Variants in PPP1R12A observed in about 807,000 individuals in gnomAD.
The protein encoded by PPP1R12A is protein phosphatase 1 regulatory subunit 12A.
Under a neutral mutation model 139.6 loss-of-function variants are expected in PPP1R12A, and 19 were observed. That is an observed-to-expected ratio of 0.14 (90% CI 0.09 to 0.20). PPP1R12A has a LOEUF of 0.20. Ranked by LOEUF, PPP1R12A falls within the 10% of genes least tolerant of loss-of-function variation. The pLI is 1.00. For synonymous variants in PPP1R12A, 427 were observed against 420.6 expected (o/e 1.02, Z -0.19); for missense variants, 925 against 1,211.5 (o/e 0.76, Z 3.51).
rs952988567 is a variant in PPP1R12A, at chr12:79,851,840, T to C, written c.369-6420A>G. On this transcript the variant is annotated intron_variant, in intron 2 of 24. Coordinates refer to ENST00000450142, the MANE Select transcript of PPP1R12A (RefSeq NM_002480.3). ...GCCTATTTTCTCTCTGCTGTTCAGA[T>C]TTGGCAATTTGTATTGTTCTATCAG... 2.6e-5 allele frequency among the ~76,000 whole-genome samples: 4 copies of C among 152,218 alleles called. No homozygotes were observed. The East Asian group carries it at 5.8e-4, about 22-fold the overall frequency.
chr12:79,812,128 A>G (rs2137077092), intron 9 of PPP1R12A, among the ~76,000 whole-genome samples: 1 of 152,256 alleles, frequency 6.6e-6, no homozygotes, highest in South Asian at 2.1e-4. Context: ...ACTATCTATC[A>G]ATTTTGAAAT....
intron 20 of PPP1R12A, 92 bp downstream of exon 20, chr12:79,790,375 A>G (rs1353511710): frequency 2.1e-6 from 2 of 933,944 alleles, no homozygotes; most frequent in African/African-American, 3.3e-5. Context: ...ATAATTCTAT[A>G]AACTTACAAA....
rs368465129 is a variant in PPP1R12A, at chr12:79,805,761, T to C, written c.1831A>G (p.Asn611Asp). 13 of 1,611,580 alleles carry C rather than the reference T, an allele frequency of 8.1e-6. No homozygotes were observed. The Admixed American group carries it at 1.5e-4, about 19-fold the overall frequency. ...GTACTATCCTCAGCCCACAAACGAT[T>C]TGAGGTACTATAGCATCATAAGCAG... ...SSAGTQSSTS[N>D]RLWAEDSTEK... The change falls in exon 14 of 25, where the codon AAT (asparagine) becomes GAT (aspartate). Residue 611 changes from asparagine (N) to aspartate (D), a missense_variant. Coordinates refer to ENST00000450142, the MANE Select transcript of PPP1R12A (RefSeq NM_002480.3).
rs569238334 is a variant in PPP1R12A at position 79,793,548 on chromosome 12, C to T, written c.2649+315G>A. 1.4e-4 allele frequency among the ~76,000 whole-genome samples: 21 copies of T among 152,062 alleles called. 1 individual carries two copies. In the South Asian group the frequency reaches 3.3e-3, roughly 24 times the overall value. On this transcript the variant is annotated intron_variant, in intron 19 of 24. Transcript: ENST00000450142. ...CTTTTTTTGCTTTTTCTTTTAACTC[C>T]GAAGGTTAAATGACATACATTAAAT...
At chr12:79,817,202 T>G (rs1592661327) in intron 9 of PPP1R12A, among the ~76,000 whole-genome samples, 192 bp downstream of exon 9, 1 of 152,240 alleles carries the variant, frequency 6.6e-6, no homozygotes, top group Admixed American at 6.5e-5. Flanking sequence ...GTAATATCAA[T>G]TGCAAAAAGG....
chr12:79,859,812 G>C (rs552047320), intron 2 of PPP1R12A, among the ~76,000 whole-genome samples: 5 of 152,310 alleles, frequency 3.3e-5, no homozygotes, highest in Admixed American at 6.5e-5. Context: ...AGCTACCGCT[G>C]CTGAGGCAGG....
intron 14 of PPP1R12A, among the ~76,000 whole-genome samples, chr12:79,800,104 GT>G (rs1379493006): frequency 6.6e-6 from 1 of 152,178 alleles, no homozygotes; most frequent in East Asian, 1.9e-4. Flanking sequence ...TTCTTGGGAA[GT>G]TCAATCATTA....
chr12:79,924,641 C>A (rs1220431812), intron 1 of PPP1R12A, among the ~76,000 whole-genome samples: 11 of 151,932 alleles, frequency 7.2e-5, no homozygotes, highest in Admixed American at 6.6e-4. Context: ...GTTGCCCAAG[C>A]CAGTTTTGAA....
chr12:79,796,878 T>C lies in PPP1R12A; in HGVS notation c.2365A>G (p.Ser789Gly), dbSNP rs1411368847. The C allele has an allele frequency of 3.7e-6, 6 of 1,611,770 alleles. No homozygotes were observed. The highest frequency in any genetic ancestry group is 5.1e-6 in the Non-Finnish European group (6 of 1,178,010). ...AGTTGACTTGAAGCATACAGTGAAC[T>C]GCTCATAGTAGAAAGTGAAGAGGAT... is the stretch of plus-strand genomic sequence containing the variant. ...TPSSSLSTMS[S>G]SLYASSQLNR... is the part of the protein sequence containing the mutation. The change falls in exon 17 of 25, where the codon AGT becomes GGT. Residue 789 changes from serine to glycine, a missense_variant. Around this residue, in one of 4 missense-constraint regions of PPP1R12A, gnomAD observed 315 missense variants for 363.4 expected, o/e 0.87. Coordinates refer to ENST00000450142, the MANE Select transcript of PPP1R12A (RefSeq NM_002480.3).
At chr12:79,871,828 T>C (rs377058278) in intron 2 of PPP1R12A, among the ~76,000 whole-genome samples, 3 of 152,170 alleles carry the variant, frequency 2.0e-5, no homozygotes, top group Non-Finnish European at 4.4e-5. Flanking sequence ...ATTGTTAGGT[T>C]TGAACAACCA....
At position 79,817,430 on chromosome 12, in the gene PPP1R12A, T is replaced by A; in HGVS notation, c.1203A>T (p.Ser401=). The A allele has an allele frequency of 1.2e-6, 2 of 1,612,220 alleles. No homozygotes were observed. Among genetic ancestry groups the A allele is most frequent in the Non-Finnish European group, 1.7e-6 (2 of 1,178,948 alleles). ...GTGATGTAGGTGTTGCTTGACCTGA[T>A]GACACAGTAGGTGTTGTAACAGCTA... ...APVAVTTPTV[S]SGQATPTSPI... The change falls in exon 9 of 25, where the codon TCA becomes TCT. Residue 401 remains serine, a synonymous_variant. Coordinates refer to ENST00000450142, the MANE Select transcript of PPP1R12A (RefSeq NM_002480.3).
At chr12:79,798,264 T>A (rs1872707903) in intron 15 of PPP1R12A, among the ~76,000 whole-genome samples, 1 of 152,124 alleles carries the variant, frequency 6.6e-6, no homozygotes, top group Admixed American at 6.5e-5. Flanking sequence ...AGTGTAACCA[T>A]ACAAAAGGCT....
chr12:79,889,746 T>C (rs143491488), intron 1 of PPP1R12A, among the ~76,000 whole-genome samples: 87 of 152,312 alleles, frequency 5.7e-4, no homozygotes, highest in African/African-American at 2.0e-3. Context: ...CTGTCATTTT[T>C]AAAATATCAT....
chr12:79,821,587 T>C (rs1260950099), intron 6 of PPP1R12A, among the ~76,000 whole-genome samples: 1 of 152,054 alleles, frequency 6.6e-6, no homozygotes, highest in Non-Finnish European at 1.5e-5. Context: ...ACCCCATCTC[T>C]ACTAAAACAC....
chr12:79,811,858 C>CA (rs959192794), intron 9 of PPP1R12A, among the ~76,000 whole-genome samples: 1 of 151,774 alleles, frequency 6.6e-6, no homozygotes, highest in Non-Finnish European at 1.5e-5. Flanking sequence ...AAAACAGAAA[C>CA]AAAAAAACAA....
intron 23 of PPP1R12A, chr12:79,778,840 A>G (rs1008111497): frequency 8.4e-5 from 27 of 320,256 alleles, no homozygotes; most frequent in African/African-American, 4.8e-4. Flanking sequence ...AAGATGCTAC[A>G]TAACATATTC....
chr12:79,935,215 G>C, upstream of PPP1R12A: 9 of 1,292,390 alleles, frequency 7.0e-6, no homozygotes, highest in Non-Finnish European at 8.8e-6. Context: ...TCCGGACTGG[G>C]AGGCGCCCTT....
chr12:79,785,974 T>G (rs539602654), intron 22 of PPP1R12A, among the ~76,000 whole-genome samples: 1 of 152,292 alleles, frequency 6.6e-6, no homozygotes, highest in Admixed American at 6.5e-5. Context: ...AATTATCTTC[T>G]TCCAGCACTA....
intron 1 of PPP1R12A, among the ~76,000 whole-genome samples, chr12:79,878,954 T>C (rs1376853488): frequency 6.6e-6 from 1 of 152,234 alleles, no homozygotes; most frequent in Non-Finnish European, 1.5e-5. Context: ...TTAAAAATAA[T>C]GGTTGTGAGA....
Sources: gnomAD v4.1 joint callset for allele counts (sites outside exome capture counted in the v4.1 genomes callset) on GRCh38, gnomAD v4.1.1 for gene constraint, gnomAD v4.1.1 regional missense constraint, MANE v1.5 for transcripts, NCBI Gene and HGNC (gene_info 2026-07-23, HGNC 2026-07-21) for gene names.